NRXN1: variants seen among roughly 807,000 people sequenced by gnomAD.
NRXN1 encodes the protein neurexin-1.
Under a neutral mutation model 150.9 loss-of-function variants are expected in NRXN1, and 39 were observed. The observed-to-expected ratio is 0.26, with a 90% CI of 0.20 to 0.34. NRXN1 has a LOEUF of 0.34. Ranked by LOEUF, NRXN1 falls within the 10% of genes least tolerant of loss-of-function variation. The pLI is 1.00. For missense variants in NRXN1, 1,815 were observed against 1,949.9 expected (o/e 0.93, Z 1.30); for synonymous variants, 924 against 757.0 (o/e 1.22, Z -3.62).
At position 50,758,977 on chromosome 2, in the gene NRXN1, C is replaced by A. The variant is rs1042275930; in HGVS notation, c.833-135362G>T. Among the ~76,000 whole-genome samples, 13 of 151,832 alleles carry A rather than the reference C, an allele frequency of 8.6e-5. 1 individual carries two copies. Among genetic ancestry groups the A allele is most frequent in the Admixed American group, 8.5e-4 (13 of 15,222 alleles). ...TGGCCCAAGGGAATGTATCAGAAAC[C>A]TGTGCACAAGAGTTTGTATTAGAGT... On this transcript the variant is annotated intron_variant, in intron 5 of 22. Coordinates refer to ENST00000401669, the MANE Select transcript of NRXN1 (RefSeq NM_001330078.2).
At chr2:50,029,436 A>G (rs13399387) in intron 21 of NRXN1, among the ~76,000 whole-genome samples, 2,044 of 152,294 alleles carry the variant, frequency 0.013, 23 homozygotes, top group Non-Finnish European at 0.019. Flanking sequence ...ATTTGAAGAT[A>G]GCATCTTTAG....
intron 5 of NRXN1, among the ~76,000 whole-genome samples, chr2:50,761,000 T>G (rs1000023574): frequency 6.6e-6 from 1 of 151,962 alleles, no homozygotes; most frequent in African/African-American, 2.4e-5. Context: ...AACCAATTAA[T>G]TCTCTACCTT....
At chr2:50,098,831 T>TG (rs200888709) in intron 18 of NRXN1, among the ~76,000 whole-genome samples, 88 of 2,954 alleles carry the variant, frequency 0.03, 6 homozygotes, top group African/African-American at 0.17. Flanking sequence ...TTGGTTTTAG[T>TG]TTTTTTTTTT....
chr2:50,039,692 G>A (rs1690623185), intron 21 of NRXN1, among the ~76,000 whole-genome samples: 1 of 152,050 alleles, frequency 6.6e-6, no homozygotes, highest in Non-Finnish European at 1.5e-5. Flanking sequence ...GGTTGTTGAG[G>A]GAAAGAGATA....
chr2:50,017,314 A>G (rs1686812563), intron 21 of NRXN1, among the ~76,000 whole-genome samples: 1 of 152,190 alleles, frequency 6.6e-6, no homozygotes, highest in Non-Finnish European at 1.5e-5. Context: ...CAAGTGATGT[A>G]TTGTCAAAAT....
chr2:50,244,174 A>G (rs770089643), intron 17 of NRXN1, among the ~76,000 whole-genome samples: 27 of 152,032 alleles, frequency 1.8e-4, no homozygotes, highest in Middle Eastern at 3.4e-3. Context: ...TAAAAAGAGT[A>G]TGGTACATGA....
At chr2:50,437,318 T>TACCAAGAGTAGAA (rs2085530706) in intron 17 of NRXN1, among the ~76,000 whole-genome samples, 1 of 152,190 alleles carries the variant, frequency 6.6e-6, no homozygotes. Flanking sequence ...AAGATTTTTC[T>TACCAAGAGTAGAA]ACTCTCTACC....
chr2:50,752,812 A>C (rs369542404), intron 5 of NRXN1, among the ~76,000 whole-genome samples: 1 of 152,010 alleles, frequency 6.6e-6, no homozygotes, highest in East Asian at 1.9e-4. Flanking sequence ...GGATGTTTTG[A>C]AAACTAAAAA....
intron 17 of NRXN1, among the ~76,000 whole-genome samples, chr2:50,322,869 G>A (rs931061989): frequency 3.3e-5 from 5 of 152,128 alleles, no homozygotes; most frequent in South Asian, 4.1e-4. Context: ...ATAATAAGCC[G>A]ACTAACATTC....
chr2:50,834,402 T>G (rs930117751), intron 5 of NRXN1, among the ~76,000 whole-genome samples: 3 of 152,176 alleles, frequency 2.0e-5, no homozygotes, highest in African/African-American at 7.2e-5. Context: ...GATGTGGTGC[T>G]CAGTTTTTGA....
At chr2:50,778,104 C>T (rs1039020500) in intron 5 of NRXN1, among the ~76,000 whole-genome samples, 67 of 152,072 alleles carry the variant, frequency 4.4e-4, no homozygotes, top group African/African-American at 1.6e-3. Flanking sequence ...TTCAGAGATA[C>T]AGTCAGTTAC....
chr2:51,022,595 C>T (rs1415981273), intron 2 of NRXN1, among the ~76,000 whole-genome samples: 2 of 152,112 alleles, frequency 1.3e-5, no homozygotes, highest in African/African-American at 4.8e-5. Context: ...TAGATCAAAA[C>T]TATTGATGAG....
chr2:50,236,415 T>A, intron 18 of NRXN1, among the ~76,000 whole-genome samples: 1 of 152,046 alleles, frequency 6.6e-6, no homozygotes, highest in African/African-American at 2.4e-5. Context: ...GATCTTTGGA[T>A]GTCACCAGTA....
chr2:50,952,340 C>A (rs1212838581), intron 2 of NRXN1, among the ~76,000 whole-genome samples: 3 of 152,008 alleles, frequency 2.0e-5, no homozygotes, highest in South Asian at 4.1e-4. Flanking sequence ...AAATACAAGA[C>A]AATTATAAAC....
intron 17 of NRXN1, among the ~76,000 whole-genome samples, chr2:50,367,383 C>T (rs940670803): frequency 6.6e-6 from 1 of 151,944 alleles, no homozygotes; most frequent in Non-Finnish European, 1.5e-5. Flanking sequence ...AACACATCTT[C>T]CCAGGTAATA....
At chr2:50,511,033 C>T (rs560329794) in intron 12 of NRXN1, among the ~76,000 whole-genome samples, 1 of 151,768 alleles carries the variant, frequency 6.6e-6, no homozygotes, top group East Asian at 1.9e-4. Flanking sequence ...AAGCATAGGT[C>T]TCTAGACTCT....
intron 17 of NRXN1, among the ~76,000 whole-genome samples, chr2:50,431,250 C>T (rs997387070): frequency 2.6e-5 from 4 of 152,166 alleles, no homozygotes; most frequent in African/African-American, 9.6e-5. Flanking sequence ...ACACTTAACA[C>T]TATCATAATT....
At chr2:50,918,758 A>C (rs952600203) in intron 5 of NRXN1, 8 of 312,252 alleles carry the variant, frequency 2.6e-5, no homozygotes, top group African/African-American at 1.7e-4. Context: ...GCAAACAGAT[A>C]AACCTAAATT....
intron 2 of NRXN1, among the ~76,000 whole-genome samples, chr2:50,950,818 G>T (rs1404134989): frequency 6.6e-6 from 1 of 152,162 alleles, no homozygotes; most frequent in African/African-American, 2.4e-5. Context: ...ATTAACCACA[G>T]AAACAATAGC....
Sources: gnomAD v4.1 joint callset for allele counts (sites outside exome capture counted in the v4.1 genomes callset) on GRCh38, gnomAD v4.1.1 for gene constraint, MANE v1.5 for transcripts, NCBI Gene and HGNC (gene_info 2026-07-23, HGNC 2026-07-21) for gene names.